Variants in GRM8 observed in about 807,000 individuals in gnomAD.
The protein encoded by GRM8 is glutamate metabotropic receptor 8, also known as metabotropic glutamate receptor 8.
GRM8 carries 47 observed loss-of-function variants against 87.2 expected under a neutral mutation model. The ratio of observed to expected loss-of-function variants is 0.54; its 90% confidence interval spans 0.43 to 0.69. GRM8 has a LOEUF of 0.69. GRM8 is among the 30% of genes least tolerant of loss of function. The pLI is 0.00. For synonymous variants in GRM8, 396 were observed against 404.5 expected (o/e 0.98, Z 0.25); for missense variants, 1,019 against 1,139.2 (o/e 0.89, Z 1.52).
chr7:126,989,771 A>G (rs1812455161), intron 3 of GRM8, among the ~76,000 whole-genome samples: 1 of 152,078 alleles, frequency 6.6e-6, no homozygotes, highest in Admixed American at 6.5e-5. Flanking sequence ...GCAAAACCCC[A>G]TCTTTACAAA....
chr7:126,941,743 G>A (rs1470859171), intron 3 of GRM8, among the ~76,000 whole-genome samples: 1 of 152,006 alleles, frequency 6.6e-6, no homozygotes, highest in Non-Finnish European at 1.5e-5. Context: ...TGCAACCGTG[G>A]TTGCAGAATC....
At chr7:126,954,053 A>G (rs1174163056) in intron 3 of GRM8, among the ~76,000 whole-genome samples, 3 of 152,178 alleles carry the variant, frequency 2.0e-5, no homozygotes, top group African/African-American at 7.2e-5. Flanking sequence ...CAACGCTGGC[A>G]CACAGAGCAG....
intron 3 of GRM8, among the ~76,000 whole-genome samples, chr7:126,987,102 A>G (rs1169411403): frequency 6.6e-6 from 1 of 152,224 alleles, no homozygotes; most frequent in Non-Finnish European, 1.5e-5. Flanking sequence ...CTACTCCATC[A>G]GGCTACCTCT....
At chr7:126,586,989 A>C (rs936764330) in intron 8 of GRM8, among the ~76,000 whole-genome samples, 1 of 152,226 alleles carries the variant, frequency 6.6e-6, no homozygotes, top group African/African-American at 2.4e-5. Context: ...TACAAAAAAA[A>C]ACCAAGCCCA....
chr7:126,870,314 C>T (rs1425184483), intron 6 of GRM8: 1 of 152,166 alleles, frequency 6.6e-6, no homozygotes, highest in African/African-American at 2.4e-5. Context: ...GCATGGTTCG[C>T]TTGCTTATCA....
intron 7 of GRM8, among the ~76,000 whole-genome samples, chr7:126,693,458 A>G (rs982593545): frequency 2.0e-5 from 3 of 152,228 alleles, no homozygotes; most frequent in African/African-American, 7.2e-5. Context: ...AGTACAATAC[A>G]TTACAGCATG....
At chr7:126,575,555 G>A (rs181841864) in intron 8 of GRM8, among the ~76,000 whole-genome samples, 12 of 151,984 alleles carry the variant, frequency 7.9e-5, no homozygotes, top group African/African-American at 2.9e-4. Context: ...GTTGGGGACC[G>A]CTGCTATAGG....
chr7:126,475,033 A>G (rs10257411), intron 9 of GRM8, among the ~76,000 whole-genome samples: 125,331 of 152,080 alleles, frequency 0.82, 52,048 homozygotes, highest in African/African-American at 0.94. Context: ...CATACTTCAC[A>G]GTGAAAAGCT....
chr7:126,470,550 A>G (rs1805064337), intron 9 of GRM8, among the ~76,000 whole-genome samples: 1 of 152,098 alleles, frequency 6.6e-6, no homozygotes. Flanking sequence ...ATGGTATTCC[A>G]TGGTGTATAT....
At chr7:126,783,840 G>A in intron 6 of GRM8, among the ~76,000 whole-genome samples, 1 of 152,094 alleles carries the variant, frequency 6.6e-6, no homozygotes, top group East Asian at 1.9e-4. Context: ...TCACATGACA[G>A]CTCATTTCAA....
At position 126,438,848 on chromosome 7, in the gene GRM8, CATT is replaced by C. The variant is rs1799754217; in HGVS notation, c.*268_*270del. The C allele has an allele frequency of 6.0e-6, 2 of 334,268 alleles. No individual in the cohort carries two copies. Among genetic ancestry groups the C allele is most frequent in the South Asian group, 1.4e-4 (2 of 14,324 alleles). 20.7% of individuals were successfully genotyped at this position (334,268 alleles called of 1,614,324 possible). A position where few individuals can be genotyped will look rare whatever the true frequency, so the allele number is the denominator to read the frequency against. ...AACAGCATTTTTTTTCACGAGCTAA[CATT>C]AGTTTTCCTTTTGTGATTTGTTTTA... is the stretch of plus-strand genomic sequence containing the variant. On this transcript the variant is annotated 3_prime_UTR_variant, in exon 11 of 11. Transcript: ENST00000339582.
intron 7 of GRM8, among the ~76,000 whole-genome samples, chr7:126,700,519 T>A (rs912896589): frequency 7.9e-5 from 12 of 152,178 alleles, no homozygotes; most frequent in African/African-American, 2.9e-4. Flanking sequence ...ATTCATTAGC[T>A]CACTTGATTC....
chr7:127,021,694 A>G (rs1816283723), intron 3 of GRM8, among the ~76,000 whole-genome samples: 2 of 152,110 alleles, frequency 1.3e-5, no homozygotes, highest in South Asian at 4.1e-4. Context: ...TCTACTTGCC[A>G]TGCTCTTAAA....
chr7:126,716,483 G>A (rs1811757118), intron 7 of GRM8, among the ~76,000 whole-genome samples: 1 of 152,102 alleles, frequency 6.6e-6, no homozygotes, highest in African/African-American at 2.4e-5. Flanking sequence ...CGTGGCATCT[G>A]CCTATGTCAT....
intron 7 of GRM8, among the ~76,000 whole-genome samples, chr7:126,713,016 AC>A (rs1367886491): frequency 6.6e-6 from 1 of 152,202 alleles, no homozygotes; most frequent in Non-Finnish European, 1.5e-5. Context: ...AATTAATTCA[AC>A]TATTGTGGAA....
intron 7 of GRM8, among the ~76,000 whole-genome samples, chr7:126,691,471 G>T (rs1417938093): frequency 6.6e-6 from 1 of 152,138 alleles, no homozygotes; most frequent in African/African-American, 2.4e-5. Context: ...GGTGCCTGGG[G>T]GAGTGAGGTT....
chr7:126,776,647 G>A (rs377357871), intron 6 of GRM8, among the ~76,000 whole-genome samples: 60 of 152,274 alleles, frequency 3.9e-4, no homozygotes, highest in Non-Finnish European at 8.2e-4. Flanking sequence ...AAGAAGCTAC[G>A]TTGGAGTAGA....
At chr7:126,707,984 C>T (rs1018214713) in intron 7 of GRM8, among the ~76,000 whole-genome samples, 3 of 152,020 alleles carry the variant, frequency 2.0e-5, no homozygotes, top group African/African-American at 7.2e-5. Flanking sequence ...AAAACATCTG[C>T]AAACCACATA....
chr7:126,870,683 C>T (rs1021929828), intron 6 of GRM8, among the ~76,000 whole-genome samples: 4 of 152,128 alleles, frequency 2.6e-5, no homozygotes, highest in Non-Finnish European at 4.4e-5. Context: ...GTTCGTAGTG[C>T]CCCCAAACAA....
Sources: gnomAD v4.1 joint callset for allele counts (sites outside exome capture counted in the v4.1 genomes callset) on GRCh38, gnomAD v4.1.1 for gene constraint, MANE v1.5 for transcripts, NCBI Gene and HGNC (gene_info 2026-07-23, HGNC 2026-07-21) for gene names.